CDH13: variants seen among roughly 807,000 people sequenced by gnomAD.
CDH13 encodes cadherin 13, also known as cadherin-13.
CDH13 carries 24 observed loss-of-function variants against 63.8 expected under a neutral mutation model. That is an observed-to-expected ratio of 0.38 (90% CI 0.27 to 0.53). CDH13 has a LOEUF of 0.53. CDH13 is among the 20% of genes least tolerant of loss of function. The pLI, the probability that CDH13 is intolerant of heterozygous loss-of-function variation, is 0.85. For missense variants in CDH13, 1,049 were observed against 903.1 expected (o/e 1.16, Z -2.07); for synonymous variants, 503 against 355.3 (o/e 1.42, Z -4.67).
At chr16:83,013,319 G>A (rs1468575924) in intron 2 of CDH13, among the ~76,000 whole-genome samples, 4 of 152,142 alleles carry the variant, frequency 2.6e-5, no homozygotes, top group Admixed American at 6.6e-5. Flanking sequence ...CAGACTCCTG[G>A]TTTGGAGGCC....
chr16:82,868,674 A>G (rs2040238813), intron 2 of CDH13, among the ~76,000 whole-genome samples: 1 of 152,240 alleles, frequency 6.6e-6, no homozygotes, highest in Non-Finnish European at 1.5e-5. Flanking sequence ...GAGGTATCAC[A>G]CTGTCAGCCT....
chr16:83,073,211 G>A (rs1013696005), intron 3 of CDH13, among the ~76,000 whole-genome samples: 5 of 152,160 alleles, frequency 3.3e-5, no homozygotes, highest in Admixed American at 2.0e-4. Context: ...AGTACAGGTC[G>A]TCTGGTTCCA....
chr16:83,073,354 T>TGTGAGAGAGA (rs1311548254), intron 3 of CDH13, among the ~76,000 whole-genome samples: 2,679 of 139,716 alleles, frequency 0.019, 78 homozygotes, highest in South Asian at 0.089. Context: ...TGTGTGTGTG[T>TGTGAGAGAGA]GAGAGAGAGA....
intron 10 of CDH13, among the ~76,000 whole-genome samples, chr16:83,726,769 C>T (rs1334678670): frequency 1.3e-5 from 2 of 151,640 alleles, no homozygotes; most frequent in Admixed American, 6.6e-5. Flanking sequence ...ACCCGGGAGG[C>T]GGAGCTTGTA....
At chr16:82,845,081 T>C (rs917277117) in intron 1 of CDH13, among the ~76,000 whole-genome samples, 2 of 152,172 alleles carry the variant, frequency 1.3e-5, no homozygotes, top group South Asian at 2.1e-4. Context: ...GTAGTTTTCT[T>C]TGGGAGGTGA....
At chr16:83,631,001 G>A (rs778862057) in intron 8 of CDH13, among the ~76,000 whole-genome samples, 3 of 152,176 alleles carry the variant, frequency 2.0e-5, no homozygotes, top group Non-Finnish European at 4.4e-5. Flanking sequence ...GGTTCAGTAA[G>A]GGGGCCATTG....
rs1555538670 is a variant in CDH13 at position 83,379,919 on chromosome 16, G to GTGTGTATATA, written c.781+34914_781+34915insGTGTATATAT. ...ATATATGTATTATATATGTGTGTGT[G>GTGTGTATATA]TATATATATATATATATATAGAGAG... is the stretch of plus-strand genomic sequence containing the variant. On this transcript the variant is annotated intron_variant, in intron 6 of 13. Transcript: ENST00000567109. Among the ~76,000 whole-genome samples, 374 of 126,406 alleles carry GTGTGTATATA rather than the reference G, an allele frequency of 3.0e-3. 1 individual carries two copies. Among genetic ancestry groups the GTGTGTATATA allele is most frequent in the Non-Finnish European group, 4.8e-3 (302 of 62,330 alleles). 82.9% of individuals were successfully genotyped at this position (126,406 alleles called of 152,430 possible).
intron 1 of CDH13, among the ~76,000 whole-genome samples, chr16:82,858,099 C>G (rs1404485206): frequency 6.6e-6 from 1 of 152,152 alleles, no homozygotes; most frequent in African/African-American, 2.4e-5. Flanking sequence ...TGGTGAGAAT[C>G]TTAGCAGGTG....
chr16:82,892,474 A>G (rs1392225769), intron 2 of CDH13, among the ~76,000 whole-genome samples: 2 of 152,204 alleles, frequency 1.3e-5, no homozygotes, highest in Admixed American at 1.3e-4. Context: ...CCCTGAAAAC[A>G]GTTCTTATGG....
intron 8 of CDH13, among the ~76,000 whole-genome samples, chr16:83,658,210 C>T (rs1913067000): frequency 1.4e-5 from 2 of 143,548 alleles, no homozygotes; most frequent in Non-Finnish European, 1.5e-5. Context: ...GTCTCATGTC[C>T]TCACCACCAG....
At chr16:82,881,226 T>C (rs1365940825) in intron 2 of CDH13, among the ~76,000 whole-genome samples, 1 of 152,180 alleles carries the variant, frequency 6.6e-6, no homozygotes, top group Non-Finnish European at 1.5e-5. Context: ...CTCTGGGCCA[T>C]CTTGCATAGG....
intron 10 of CDH13, among the ~76,000 whole-genome samples, chr16:83,731,374 G>T (rs1374275352): frequency 1.3e-5 from 2 of 152,144 alleles, no homozygotes; most frequent in Non-Finnish European, 2.9e-5. Context: ...GTGTGAGATG[G>T]TATCTCATTG....
At chr16:83,379,006 TACAC>T (rs59189186) in intron 6 of CDH13, among the ~76,000 whole-genome samples, 32 of 148,972 alleles carry the variant, frequency 2.1e-4, no homozygotes, top group East Asian at 1.4e-3. Context: ...TATATATATA[TACAC>T]ACACACACAC....
intron 4 of CDH13, among the ~76,000 whole-genome samples, chr16:83,183,006 TA>T (rs907155447): frequency 6.6e-6 from 1 of 151,692 alleles, no homozygotes; most frequent in African/African-American, 2.4e-5. Context: ...AAATAAAAAT[TA>T]AAAAAAAACT....
intron 5 of CDH13, among the ~76,000 whole-genome samples, chr16:83,286,885 C>T (rs1172961317): frequency 6.6e-6 from 1 of 151,538 alleles, no homozygotes; most frequent in Non-Finnish European, 1.5e-5. Context: ...AGGCTCATGC[C>T]ATGTGGAAAG....
At chr16:83,290,371 A>G (rs576284244) in intron 5 of CDH13, among the ~76,000 whole-genome samples, 1 of 152,182 alleles carries the variant, frequency 6.6e-6, no homozygotes, top group Admixed American at 6.5e-5. Context: ...GTGGGAGGTA[A>G]TTGAATCACG....
chr16:82,953,496 A>G (rs375317963), intron 2 of CDH13: 26 of 152,350 alleles, frequency 1.7e-4, no homozygotes, highest in East Asian at 5.8e-4. Flanking sequence ...CTTCACAAAC[A>G]AAAACATCAA....
chr16:82,815,352 C>T (rs9924443), intron 1 of CDH13, among the ~76,000 whole-genome samples: 5 of 151,844 alleles, frequency 3.3e-5, no homozygotes, highest in Non-Finnish European at 5.9e-5. Context: ...GTTTCCTCAC[C>T]TGCATGATGG....
intron 10 of CDH13, among the ~76,000 whole-genome samples, chr16:83,695,112 C>T (rs949917432): frequency 6.6e-6 from 1 of 152,058 alleles, no homozygotes; most frequent in Non-Finnish European, 1.5e-5. Context: ...GAGGCTAAGG[C>T]AGGAGAATCG....
Sources: gnomAD v4.1 joint callset for allele counts (sites outside exome capture counted in the v4.1 genomes callset) on GRCh38, gnomAD v4.1.1 for gene constraint, MANE v1.5 for transcripts, NCBI Gene and HGNC (gene_info 2026-07-23, HGNC 2026-07-21) for gene names.